HS3ST4: variants seen among roughly 807,000 people sequenced by gnomAD.
HS3ST4 encodes heparan sulfate-glucosamine 3-sulfotransferase 4, also known as heparan sulfate glucosamine 3-O-sulfotransferase 4.
In HS3ST4, 17 loss-of-function variants were observed where a neutral mutation model predicts 29.2. That is an observed-to-expected ratio of 0.58 (90% CI 0.40 to 0.87). The LOEUF (loss-of-function observed/expected upper bound fraction) is 0.87, where lower values mean the gene tolerates loss of function less well. Ranked by LOEUF, HS3ST4 falls within the 40% of genes least tolerant of loss-of-function variation. The pLI, the probability that HS3ST4 is intolerant of heterozygous loss-of-function variation, is 0.00. For synonymous variants in HS3ST4, 314 were observed against 285.7 expected (o/e 1.10, Z -1.00); for missense variants, 627 against 634.5 (o/e 0.99, Z 0.13).
chr16:25,850,284 G>A (rs1237031083), intron 1 of HS3ST4, among the ~76,000 whole-genome samples: 3 of 152,176 alleles, frequency 2.0e-5, no homozygotes, highest in East Asian at 3.9e-4. Context: ...CACTGTGCCC[G>A]GCCCCTATTT....
At chr16:25,739,299 G>A (rs1230471259) in intron 1 of HS3ST4, among the ~76,000 whole-genome samples, 4 of 152,210 alleles carry the variant, frequency 2.6e-5, no homozygotes, top group South Asian at 2.1e-4. Flanking sequence ...CCAAGTTCAC[G>A]CCACTGGACT....
chr16:26,125,401 G>C (rs984890716), intron 1 of HS3ST4, among the ~76,000 whole-genome samples: 1 of 152,164 alleles, frequency 6.6e-6, no homozygotes, highest in Non-Finnish European at 1.5e-5. Flanking sequence ...TCACAATAGG[G>C]TTCACACTCC....
chr16:25,916,873 G>C (rs961518086), intron 1 of HS3ST4, among the ~76,000 whole-genome samples: 1 of 151,794 alleles, frequency 6.6e-6, no homozygotes, highest in African/African-American at 2.4e-5. Context: ...TAGACACGGG[G>C]TTTCACCGTG....
intron 1 of HS3ST4, among the ~76,000 whole-genome samples, chr16:25,839,759 G>C (rs1967394715): frequency 6.6e-6 from 1 of 152,136 alleles, no homozygotes; most frequent in African/African-American, 2.4e-5. Flanking sequence ...CTCTAGGATG[G>C]ATTTTTCTGC....
At chr16:25,875,126 A>G (rs11640828) in intron 1 of HS3ST4, among the ~76,000 whole-genome samples, 138,865 of 152,130 alleles carry the variant, frequency 0.91, 64,107 homozygotes, top group East Asian at 1. Flanking sequence ...TATATTTTAG[A>G]GTATTAGACA....
At chr16:25,832,343 A>G (rs1191433137) in intron 1 of HS3ST4, among the ~76,000 whole-genome samples, 1 of 152,192 alleles carries the variant, frequency 6.6e-6, no homozygotes, top group African/African-American at 2.4e-5. Flanking sequence ...ATGAACACAG[A>G]GAGCCCCTGG....
At chr16:25,870,190 A>G (rs1967735376) in intron 1 of HS3ST4, among the ~76,000 whole-genome samples, 1 of 151,856 alleles carries the variant, frequency 6.6e-6, no homozygotes, top group Non-Finnish European at 1.5e-5. Context: ...CCACCCATCC[A>G]TCCATCCATC....
At chr16:26,081,867 C>T (rs541855746) in intron 1 of HS3ST4, among the ~76,000 whole-genome samples, 5 of 137,966 alleles carry the variant, frequency 3.6e-5, no homozygotes, top group Non-Finnish European at 7.5e-5. Context: ...ATGATCTTGG[C>T]TCACTGCAAC....
At chr16:26,129,958 C>T (rs1011213745) in intron 1 of HS3ST4, among the ~76,000 whole-genome samples, 5 of 152,262 alleles carry the variant, frequency 3.3e-5, no homozygotes, top group Non-Finnish European at 2.9e-5. Context: ...GGCTGTGCTC[C>T]AGGAATTCAA....
chr16:25,915,092 A>G lies in HS3ST4; in HGVS notation c.735-220520A>G, dbSNP rs1442446246. On this transcript the variant is annotated intron_variant, in intron 1 of 1. Transcript: ENST00000331351. The stretch of plus-strand genomic sequence containing the variant: ...AGGTCCCTGATCGCCAGTCGTGACA[A>G]CCAATAACGACTCCAGATGTGGCCA... Among the ~76,000 whole-genome samples, 3 of 152,204 alleles carry G rather than the reference A, an allele frequency of 2.0e-5. No homozygotes were observed. The East Asian group carries it at 5.8e-4, about 29-fold the overall frequency.
intron 1 of HS3ST4, among the ~76,000 whole-genome samples, chr16:25,911,772 G>A (rs1310619986): frequency 2.0e-5 from 3 of 151,982 alleles, no homozygotes; most frequent in Non-Finnish European, 2.9e-5. Flanking sequence ...GCCTCCCAAA[G>A]CGCTGGGATT....
At chr16:25,931,150 C>A (rs544613556) in intron 1 of HS3ST4, among the ~76,000 whole-genome samples, 4 of 152,264 alleles carry the variant, frequency 2.6e-5, no homozygotes, top group African/African-American at 9.6e-5. Flanking sequence ...CTTTGGGGAC[C>A]GCGTACCTTT....
intron 1 of HS3ST4, among the ~76,000 whole-genome samples, chr16:25,893,652 G>T (rs1320208364): frequency 2.6e-5 from 4 of 152,236 alleles, no homozygotes; most frequent in Non-Finnish European, 4.4e-5. Context: ...GAATGACCCA[G>T]TTGGGGTCAT....
At chr16:25,699,897 T>G (rs1390078872) in intron 1 of HS3ST4, among the ~76,000 whole-genome samples, 1 of 152,216 alleles carries the variant, frequency 6.6e-6, no homozygotes, top group Non-Finnish European at 1.5e-5. Context: ...GTGCCCTATG[T>G]AGAGCTTGTG....
intron 1 of HS3ST4, among the ~76,000 whole-genome samples, chr16:26,075,873 C>T (rs1259964324): frequency 6.6e-6 from 1 of 152,170 alleles, no homozygotes; most frequent in East Asian, 1.9e-4. Context: ...ATACCTTAAA[C>T]TTAGTTAGTC....
At chr16:26,016,621 A>G (rs578043752) in intron 1 of HS3ST4, among the ~76,000 whole-genome samples, 1 of 152,312 alleles carries the variant, frequency 6.6e-6, no homozygotes, top group South Asian at 2.1e-4. Flanking sequence ...CACAATTTGT[A>G]CTTACCATCT....
chr16:25,798,927 C>T (rs899417636), intron 1 of HS3ST4, among the ~76,000 whole-genome samples: 1 of 152,124 alleles, frequency 6.6e-6, no homozygotes, highest in Non-Finnish European at 1.5e-5. Flanking sequence ...CATTGGGTTA[C>T]CATTGTTGGC....
rs958713046 is a variant in HS3ST4, at chr16:25,692,379, TGCC to T, written c.-18_-16del. The T allele has an allele frequency of 0.01, 4,714 of 465,528 alleles. 3 individuals are homozygous for T. The highest frequency in any genetic ancestry group is 0.013 in the African/African-American group (576 of 43,240). The allele number at this position is 465,528 out of a possible 1,614,324, so 28.8% of individuals were successfully genotyped here. ...ACCATGTCCGGGCAGCGCCGGGGGCTGCCGCCGCCGCCGCCGCCGCCGCGAGCC... is the reference window on the plus strand; with the variant it reads ...ACCATGTCCGGGCAGCGCCGGGGGCTGCCGCCGCCGCCGCCGCCGCGAGCC... On this transcript the variant is annotated 5_prime_UTR_variant, in exon 1 of 2. Transcript: ENST00000331351.
chr16:25,912,226 A>G (rs1163492390), intron 1 of HS3ST4, among the ~76,000 whole-genome samples: 1 of 152,128 alleles, frequency 6.6e-6, no homozygotes, highest in Admixed American at 6.5e-5. Context: ...GGAATCTACC[A>G]ATATCCTCAG....
Sources: gnomAD v4.1 joint callset for allele counts (sites outside exome capture counted in the v4.1 genomes callset) on GRCh38, gnomAD v4.1.1 for gene constraint, MANE v1.5 for transcripts, NCBI Gene and HGNC (gene_info 2026-07-23, HGNC 2026-07-21) for gene names.